The following FXYD6 variants were observed in gnomAD, a reference collection of about 807,000 sequenced individuals.
FXYD6 encodes FXYD domain-containing ion transport regulator 6.
FXYD6 carries 7 observed loss-of-function variants against 16.7 expected under a neutral mutation model. The observed-to-expected ratio is 0.42, with a 90% CI of 0.24 to 0.79. The LOEUF (loss-of-function observed/expected upper bound fraction) is 0.79. FXYD6 is among the 30% of genes least tolerant of loss of function. The pLI is 0.28. For missense variants in FXYD6, 111 were observed against 116.2 expected (o/e 0.95, Z 0.21); for synonymous variants, 49 against 43.0 (o/e 1.14, Z -0.54).
At chr11:117,856,788 A>G (rs1162397624) in intron 1 of FXYD6, among the ~76,000 whole-genome samples, 1 of 152,220 alleles carries the variant, frequency 6.6e-6, no homozygotes, top group Non-Finnish European at 1.5e-5. Context: ...AGTTGGTTAC[A>G]GTGATTGGGC....
chr11:117,850,798 AT>A lies in FXYD6; in HGVS notation c.-5-8018del, dbSNP rs796279043. Reference sequence around the variant, plus strand: ...ATGAGCCACTGCCCCTAGCTTAGTGATTTTTTTTTTTCTTATTCCTTTTCTC... The same window carrying A: ...ATGAGCCACTGCCCCTAGCTTAGTGATTTTTTTTTTCTTATTCCTTTTCTC... On this transcript the variant is annotated intron_variant, in intron 1 of 7. Coordinates refer to ENST00000526014, the MANE Select transcript of FXYD6 (RefSeq NM_022003.4). Among the ~76,000 whole-genome samples, 248 of 144,846 alleles carry A rather than the reference AT, an allele frequency of 1.7e-3. No homozygotes were observed. The Middle Eastern group carries it at 0.021, about 13-fold the overall frequency.
Position 117,874,833 on chromosome 11 carries a change from T to C in FXYD6, c.-6+1759A>G, listed in dbSNP as rs547688441. 1.7e-3 allele frequency among the ~76,000 whole-genome samples: 264 copies of C among 152,346 alleles called. 1 individual carries two copies. The highest frequency in any genetic ancestry group is 6.0e-3 in the African/African-American group (251 of 41,574). ...ACACCTGGAGCTCCGGACTGGGGCT[T>C]TGAGGAGGAGGGAAAAGGGCTGCGC... On this transcript the variant is annotated intron_variant, in intron 1 of 7. Coordinates refer to ENST00000526014, the MANE Select transcript of FXYD6 (RefSeq NM_022003.4).
chr11:117,842,616 G>T, intron 2 of FXYD6, 103 bp downstream of exon 2: 1 of 1,183,306 alleles, frequency 8.5e-7, no homozygotes. Flanking sequence ...AAGAACGTGA[G>T]AGTCCCCCAG....
chr11:117,840,400 G>A, intron 5 of FXYD6, 32 bp from the exon 6 acceptor site: 4 of 1,614,084 alleles, frequency 2.5e-6, no homozygotes, highest in Non-Finnish European at 3.4e-6. Context: ...AGCCCCATCA[G>A]AGATCTCCAG....
chr11:117,869,422 T>G (rs935618576), intron 1 of FXYD6, among the ~76,000 whole-genome samples: 5 of 152,158 alleles, frequency 3.3e-5, no homozygotes, highest in Admixed American at 6.5e-5. Context: ...ACGGCTCGAA[T>G]GCTGCCCCTC....
intron 1 of FXYD6, chr11:117,844,180 C>A (rs574774828): frequency 2.6e-5 from 4 of 152,630 alleles, no homozygotes; most frequent in South Asian, 2.1e-4. Context: ...AGAACGACTG[C>A]ATCCACAGCC....
intron 4 of FXYD6, 69 bp downstream of exon 4, chr11:117,841,722 A>C: frequency 6.3e-7 from 1 of 1,588,578 alleles, no homozygotes; most frequent in Non-Finnish European, 8.6e-7. Context: ...CCAGGCTCTC[A>C]CACTGTCCCC....
At chr11:117,846,330 T>C (rs527909160) in intron 1 of FXYD6, among the ~76,000 whole-genome samples, 4 of 152,250 alleles carry the variant, frequency 2.6e-5, no homozygotes, top group African/African-American at 4.8e-5. Context: ...TCATTAAGTA[T>C]AGCAAATATC....
intron 1 of FXYD6, among the ~76,000 whole-genome samples, chr11:117,867,214 T>C (rs955365307): frequency 6.6e-6 from 1 of 152,216 alleles, no homozygotes; most frequent in South Asian, 2.1e-4. Context: ...TATTTATTGA[T>C]GGCCTAATGC....
chr11:117,863,082 C>T (rs2056943812), intron 1 of FXYD6, among the ~76,000 whole-genome samples: 1 of 152,144 alleles, frequency 6.6e-6, no homozygotes, highest in Non-Finnish European at 1.5e-5. Context: ...GTTATTACTG[C>T]TATTTTACAG....
At chr11:117,852,105 G>C (rs756722276) in intron 1 of FXYD6, among the ~76,000 whole-genome samples, 32 of 152,246 alleles carry the variant, frequency 2.1e-4, no homozygotes, top group Admixed American at 5.2e-4. Context: ...CCAGCAAGAA[G>C]ATGGGAACCT....
chr11:117,864,644 C>T (rs868105927), intron 1 of FXYD6, among the ~76,000 whole-genome samples: 8 of 151,950 alleles, frequency 5.3e-5, no homozygotes, highest in Non-Finnish European at 8.8e-5. Flanking sequence ...TGGAGTGCAA[C>T]GGCTCAATCT....
At chr11:117,841,969 C>T in intron 3 of FXYD6, 21 bp downstream of exon 3, 2 of 1,614,168 alleles carry the variant, frequency 1.2e-6, no homozygotes, top group Non-Finnish European at 1.7e-6. Context: ...GACCCCTGCA[C>T]CCAGGGTTGC....
intron 7 of FXYD6, chr11:117,838,687 CT>C (rs2056257168): frequency 4.8e-6 from 1 of 209,326 alleles, no homozygotes. Context: ...GGGCACCTGC[CT>C]CCTAGATCGG....
At chr11:117,840,033 T>C in intron 6 of FXYD6, 1 of 683,248 alleles carries the variant, frequency 1.5e-6, no homozygotes, top group Non-Finnish European at 2.5e-6. Context: ...AGTCCCTCGG[T>C]TACAAAATGG....
intron 1 of FXYD6, among the ~76,000 whole-genome samples, chr11:117,865,657 G>A (rs976893916): frequency 6.6e-6 from 1 of 151,712 alleles, no homozygotes; most frequent in Admixed American, 6.6e-5. Flanking sequence ...CAGGCACGGT[G>A]GGTCATGCCT....
rs781442386 is a variant in FXYD6, at chr11:117,845,915, A to G, written c.-5-3134T>C. Among the ~76,000 whole-genome samples, 60 of 152,358 alleles carry G rather than the reference A, an allele frequency of 3.9e-4. No homozygotes were observed. The Middle Eastern group carries it at 0.024, about 60-fold the overall frequency. Reference sequence around the variant, plus strand: ...ACATTTCCAGGCTCCTTAATGGGTCACACTCGGCAGTTTGAACAGTTATGT... The same window carrying G: ...ACATTTCCAGGCTCCTTAATGGGTCGCACTCGGCAGTTTGAACAGTTATGT... On this transcript the variant is annotated intron_variant, in intron 1 of 7. Transcript: ENST00000526014.
At chr11:117,857,470 C>T (rs1017271602) in intron 1 of FXYD6, among the ~76,000 whole-genome samples, 15 of 144,152 alleles carry the variant, frequency 1.0e-4, no homozygotes, top group Admixed American at 2.1e-4. Context: ...AGTGCAGTGG[C>T]GCAATCTTGG....
At chr11:117,847,288 C>A (rs2056492250) in intron 1 of FXYD6, among the ~76,000 whole-genome samples, 2 of 152,084 alleles carry the variant, frequency 1.3e-5, no homozygotes, top group South Asian at 4.1e-4. Context: ...GTAGATATAT[C>A]ATCTTCAAAT....
Sources: allele counts gnomAD v4.1 joint callset (sites outside exome capture counted in the v4.1 genomes callset), GRCh38; gene constraint gnomAD v4.1.1; transcripts MANE v1.5; gene names NCBI Gene and HGNC (gene_info 2026-07-23, HGNC 2026-07-21).